The following DIP2C variants were observed in gnomAD, a reference collection of about 807,000 sequenced individuals.
DIP2C encodes the protein disco-interacting protein 2 homolog C.
DIP2C carries 33 observed loss-of-function variants against 192.4 expected under a neutral mutation model. The observed-to-expected ratio is 0.17, with a 90% confidence interval of 0.13 to 0.23. The LOEUF (loss-of-function observed/expected upper bound fraction) is 0.23. DIP2C is among the 10% of genes least tolerant of loss of function. The probability of loss-of-function intolerance (pLI) is 1.00; values close to 1 mark genes in which losing one functional copy is unlikely to be tolerated. For missense variants in DIP2C, 1,537 were observed against 2,110.1 expected (o/e 0.73, Z 5.32); for synonymous variants, 979 against 864.1 (o/e 1.13, Z -2.33).
intron 4 of DIP2C, among the ~76,000 whole-genome samples, chr10:423,305 C>T (rs531013537): frequency 1.7e-3 from 252 of 152,336 alleles, no homozygotes; most frequent in Admixed American, 2.7e-3. Flanking sequence ...ATTTCCTCTA[C>T]ACAGCAGTTT....
intron 1 of DIP2C, among the ~76,000 whole-genome samples, chr10:564,351 CCCA>C (rs1270069607): frequency 6.6e-6 from 1 of 152,118 alleles, no homozygotes; most frequent in Non-Finnish European, 1.5e-5. Flanking sequence ...CTCCCCACAC[CCCA>C]GCCTGGACGT....
intron 3 of DIP2C, among the ~76,000 whole-genome samples, chr10:444,097 G>C (rs1967957011): frequency 6.6e-6 from 1 of 152,162 alleles, no homozygotes; most frequent in Non-Finnish European, 1.5e-5. Flanking sequence ...CGTCACCTGA[G>C]ACTCGTGTAG....
chr10:589,326 T>C (rs1851269429), intron 1 of DIP2C, among the ~76,000 whole-genome samples: 1 of 152,274 alleles, frequency 6.6e-6, no homozygotes, highest in African/African-American at 2.4e-5. Flanking sequence ...ATATTAAAAG[T>C]TTAATTTTGA....
chr10:431,950 T>C (rs1966860752), intron 4 of DIP2C, among the ~76,000 whole-genome samples: 1 of 152,228 alleles, frequency 6.6e-6, no homozygotes. Flanking sequence ...GGAGCTTTTA[T>C]TATGAGTGTT....
chr10:535,703 CTG>C (rs1172325916), intron 1 of DIP2C, among the ~76,000 whole-genome samples: 6 of 152,146 alleles, frequency 3.9e-5, no homozygotes, highest in African/African-American at 9.7e-5. Context: ...ATCATAAAAA[CTG>C]TATGTGGGCT....
chr10:438,307 A>G (rs999843233), intron 4 of DIP2C, among the ~76,000 whole-genome samples: 8 of 152,258 alleles, frequency 5.3e-5, no homozygotes, highest in Admixed American at 2.0e-4. Flanking sequence ...CTCTTATAAA[A>G]AGTGGTCAAG....
chr10:346,583 C>G (rs1439700339), intron 26 of DIP2C, among the ~76,000 whole-genome samples: 1 of 131,362 alleles, frequency 7.6e-6, no homozygotes, highest in Non-Finnish European at 1.6e-5. Flanking sequence ...CCTGGAAACC[C>G]CACACTCACC....
At chr10:618,407 C>G (rs557156860) in intron 1 of DIP2C, among the ~76,000 whole-genome samples, 2 of 152,336 alleles carry the variant, frequency 1.3e-5, no homozygotes, top group South Asian at 4.1e-4. Flanking sequence ...CTGAGCCGGA[C>G]GCCCGCAGGC....
chr10:579,376 CTA>C lies in DIP2C; in HGVS notation c.86-92848_86-92847del, dbSNP rs555380922. Among the ~76,000 whole-genome samples the C allele has an allele frequency of 1.0e-3, 158 of 151,996 alleles. 1 individual carries two copies. In the South Asian group the frequency reaches 0.016, roughly 15 times the overall value. On this transcript the variant is annotated intron_variant, in intron 1 of 36. Coordinates refer to ENST00000280886, the MANE Select transcript of DIP2C (RefSeq NM_014974.3). ...CAAATGTAGTGTACAAACAAGTTCA[CTA>C]TGTGTGTACAGTGTACACACATCCA...
intron 1 of DIP2C, among the ~76,000 whole-genome samples, chr10:602,387 T>C (rs1033281556): frequency 6.6e-6 from 1 of 152,178 alleles, no homozygotes; most frequent in African/African-American, 2.4e-5. Flanking sequence ...AGCAGAGCAA[T>C]GGCTCTGGCC....
chr10:602,796 G>C (rs1852180151), intron 1 of DIP2C, among the ~76,000 whole-genome samples: 1 of 152,174 alleles, frequency 6.6e-6, no homozygotes, highest in South Asian at 2.1e-4. Flanking sequence ...ATTCTACCCA[G>C]AACCAGGGTG....
intron 1 of DIP2C, among the ~76,000 whole-genome samples, chr10:643,283 G>C (rs1258199747): frequency 6.6e-6 from 1 of 151,300 alleles, no homozygotes; most frequent in African/African-American, 2.4e-5. Flanking sequence ...GGGAGGCCAA[G>C]GCGGGTGGAT....
At chr10:368,955 G>A (rs1378361604) in intron 18 of DIP2C, among the ~76,000 whole-genome samples, 4 of 152,226 alleles carry the variant, frequency 2.6e-5, no homozygotes, top group Non-Finnish European at 4.4e-5. Context: ...GGCGCTCCTC[G>A]TGGGGCTGGT....
intron 1 of DIP2C, among the ~76,000 whole-genome samples, chr10:544,783 T>C (rs1848188581): frequency 6.6e-6 from 1 of 152,256 alleles, no homozygotes; most frequent in South Asian, 2.1e-4. Context: ...TTGGATTTTC[T>C]TTTCATTGCT....
intron 32 of DIP2C, among the ~76,000 whole-genome samples, chr10:307,538 G>T (rs1956377090): frequency 6.6e-6 from 1 of 152,168 alleles, no homozygotes. Context: ...ACTGTGAGTG[G>T]GTGGTGAGGG....
chr10:680,788 G>A (rs947118292), intron 1 of DIP2C, among the ~76,000 whole-genome samples: 2 of 152,264 alleles, frequency 1.3e-5, no homozygotes, highest in Non-Finnish European at 2.9e-5. Flanking sequence ...GTCAAGAACT[G>A]CCGCTCTGTG....
At chr10:414,153 A>C in intron 7 of DIP2C, 43 bp from the exon 8 acceptor site, 1 of 1,562,808 alleles carries the variant, frequency 6.4e-7, no homozygotes, top group East Asian at 2.3e-5. Flanking sequence ...AAATGCATCC[A>C]CATTAGCATG....
chr10:556,036 C>G (rs1042784275), intron 1 of DIP2C, among the ~76,000 whole-genome samples: 1 of 152,060 alleles, frequency 6.6e-6, no homozygotes, highest in African/African-American at 2.4e-5. Flanking sequence ...AGCAGACTCC[C>G]TCACAGCACC....
chr10:355,888 C>A (rs746472736), intron 24 of DIP2C, among the ~76,000 whole-genome samples: 4 of 152,100 alleles, frequency 2.6e-5, no homozygotes, highest in Non-Finnish European at 4.4e-5. Context: ...ACCATCCTCG[C>A]CAACATGGTG....
Sources: allele counts gnomAD v4.1 joint callset (sites outside exome capture counted in the v4.1 genomes callset), GRCh38; gene constraint gnomAD v4.1.1; transcripts MANE v1.5; gene names NCBI Gene and HGNC (gene_info 2026-07-23, HGNC 2026-07-21).